EPHA3: variants seen among roughly 807,000 people sequenced by gnomAD.
EPHA3 encodes the protein ephrin type-A receptor 3.
In EPHA3, 42 loss-of-function variants were observed where a neutral mutation model predicts 107.1. That is an observed-to-expected ratio of 0.39 (90% CI 0.31 to 0.51). The LOEUF (loss-of-function observed/expected upper bound fraction) is 0.51. Among genes scored for constraint, EPHA3 ranks in the 20% least tolerant of loss-of-function variants. The pLI, the probability that EPHA3 is intolerant of heterozygous loss-of-function variation, is 0.78. For synonymous variants in EPHA3, 461 were observed against 424.8 expected (o/e 1.09, Z -1.05); for missense variants, 1,183 against 1,211.2 (o/e 0.98, Z 0.35).
chr3:89,224,939 A>T (rs1221811083), intron 3 of EPHA3, among the ~76,000 whole-genome samples: 2 of 152,020 alleles, frequency 1.3e-5, no homozygotes, highest in Admixed American at 1.3e-4. Context: ...AAAAATATAG[A>T]CGGGAAAGGT....
At chr3:89,310,391 G>C (rs756154338) in intron 3 of EPHA3, among the ~76,000 whole-genome samples, 6 of 151,964 alleles carry the variant, frequency 3.9e-5, no homozygotes, top group Admixed American at 3.9e-4. Context: ...TTTTTTTAAA[G>C]TTAGTATTGA....
chr3:89,371,359 A>T (rs1470102773), intron 5 of EPHA3, among the ~76,000 whole-genome samples: 1 of 151,694 alleles, frequency 6.6e-6, no homozygotes, highest in Non-Finnish European at 1.5e-5. Context: ...TCATTTAATG[A>T]ACATGCCCTT....
intron 5 of EPHA3, among the ~76,000 whole-genome samples, chr3:89,363,361 T>C (rs908543845): frequency 1.3e-5 from 2 of 150,870 alleles, no homozygotes; most frequent in East Asian, 2.0e-4. Flanking sequence ...ATCCACAGAC[T>C]GCAGGGTAAG....
chr3:89,347,895 C>G (rs962935280), intron 5 of EPHA3, among the ~76,000 whole-genome samples: 3 of 151,260 alleles, frequency 2.0e-5, no homozygotes, highest in Admixed American at 6.6e-5. Flanking sequence ...GTCTTTGGCT[C>G]TATTTATATG....
At position 89,347,965 on chromosome 3, in the gene EPHA3, C is replaced by T. The variant is rs1179860798; in HGVS notation, c.1306+5875C>T. 2.1e-4 allele frequency among the ~76,000 whole-genome samples: 31 copies of T among 150,942 alleles called. 1 individual carries two copies. The highest frequency in any genetic ancestry group is 3.4e-3 in the Middle Eastern group (1 of 292). Reference sequence around the variant, plus strand: ...CAGCCTTGCATCCCAGGGATGAAGCCCACTTGATCATGGTGGATAAGCTTT... The same window carrying T: ...CAGCCTTGCATCCCAGGGATGAAGCTCACTTGATCATGGTGGATAAGCTTT... On this transcript the variant is annotated intron_variant, in intron 5 of 16. Coordinates refer to ENST00000336596, the MANE Select transcript of EPHA3 (RefSeq NM_005233.6).
At chr3:89,282,233 T>G (rs1450163847) in intron 3 of EPHA3, among the ~76,000 whole-genome samples, 1 of 152,170 alleles carries the variant, frequency 6.6e-6, no homozygotes, top group African/African-American at 2.4e-5. Context: ...AGAGTTATGA[T>G]GAATGCTATA....
intron 3 of EPHA3, among the ~76,000 whole-genome samples, chr3:89,333,677 A>T (rs1707337314): frequency 6.6e-6 from 1 of 152,122 alleles, no homozygotes; most frequent in Non-Finnish European, 1.5e-5. Flanking sequence ...GTTCGAGACC[A>T]GCCTGACCAG....
In EPHA3 at chr3:89,341,177, G is replaced by T. The variant is rs1422774209; in HGVS notation, c.970+106G>T. 5.8e-6 allele frequency: 7 copies of T among 1,217,316 alleles called. No individual in the cohort carries two copies. The African/African-American group carries it at 9.3e-5, about 16-fold the overall frequency. The allele number at this position is 1,217,316 out of a possible 1,614,324, so 75.4% of individuals were successfully genotyped here. A position where few individuals can be genotyped will look rare whatever the true frequency, so the allele number is the denominator to read the frequency against. ...AGCATTTGGCCCATTTCCTTCTGTT[G>T]CCCGTGTGCAAATTGAAAGCTTTCT... is the stretch of plus-strand genomic sequence containing the variant. On this transcript the variant is annotated intron_variant, in intron 4 of 16. Transcript: ENST00000336596.
chr3:89,388,655 A>G (rs1295421193), intron 5 of EPHA3, among the ~76,000 whole-genome samples: 1 of 152,172 alleles, frequency 6.6e-6, no homozygotes, highest in East Asian at 1.9e-4. Context: ...GCTGGTATGT[A>G]TGTTGCAGTC....
chr3:89,250,483 T>G (rs1705135943), intron 3 of EPHA3, among the ~76,000 whole-genome samples: 2 of 152,226 alleles, frequency 1.3e-5, no homozygotes, highest in African/African-American at 4.8e-5. Context: ...TCTTCCTAAT[T>G]TGTTGTTCTA....
rs1019504750 is a variant in EPHA3, at chr3:89,314,190, G to T, written c.815-26726G>T. On this transcript the variant is annotated intron_variant, in intron 3 of 16. Coordinates refer to ENST00000336596, the MANE Select transcript of EPHA3 (RefSeq NM_005233.6). ...ATCATATAGTCAAATTTCAAATTTT[G>T]TCAAATTTAGTTGCTATCTTCACCA... Among the ~76,000 whole-genome samples the T allele has an allele frequency of 2.0e-5, 3 of 151,818 alleles. No homozygotes were observed. In the Admixed American group the frequency reaches 2.0e-4, roughly 10 times the overall value.
chr3:89,164,155 C>T (rs1207795833), intron 2 of EPHA3, among the ~76,000 whole-genome samples: 7 of 152,264 alleles, frequency 4.6e-5, no homozygotes, highest in Middle Eastern at 3.4e-3. Flanking sequence ...TACCAGGTAG[C>T]CTAGACAAGG....
chr3:89,302,564 G>A (rs1389576094), intron 3 of EPHA3, among the ~76,000 whole-genome samples: 12 of 152,078 alleles, frequency 7.9e-5, no homozygotes, highest in African/African-American at 2.7e-4. Flanking sequence ...GAAAGATATT[G>A]TATGTGAATG....
At chr3:89,459,034 G>GA (rs1710160718) in intron 15 of EPHA3, among the ~76,000 whole-genome samples, 2 of 152,110 alleles carry the variant, frequency 1.3e-5, no homozygotes, top group African/African-American at 4.8e-5. Context: ...ATTGGAGGGT[G>GA]AAGGGAAAGG....
chr3:89,213,029 C>T (rs1704143211), intron 3 of EPHA3, among the ~76,000 whole-genome samples: 1 of 151,992 alleles, frequency 6.6e-6, no homozygotes, highest in Non-Finnish European at 1.5e-5. Context: ...ACTCTTAAAA[C>T]AGCTGCCAAA....
intron 16 of EPHA3, among the ~76,000 whole-genome samples, chr3:89,478,980 G>A (rs1267029961): frequency 6.6e-6 from 1 of 152,090 alleles, no homozygotes; most frequent in Non-Finnish European, 1.5e-5. Context: ...GTATTCTCTG[G>A]ATTGTGGCAA....
intron 5 of EPHA3, among the ~76,000 whole-genome samples, chr3:89,356,787 T>C (rs1707967724): frequency 6.6e-6 from 1 of 150,824 alleles, no homozygotes; most frequent in African/African-American, 2.4e-5. Flanking sequence ...TATCTCTTAG[T>C]TGGGCTAGAA....
At chr3:89,125,372 A>G (rs553112721) in intron 1 of EPHA3, among the ~76,000 whole-genome samples, 2 of 151,952 alleles carry the variant, frequency 1.3e-5, no homozygotes, top group South Asian at 4.1e-4. Flanking sequence ...AATAAATGTT[A>G]GTAATATCCT....
intron 2 of EPHA3, among the ~76,000 whole-genome samples, chr3:89,208,633 T>C (rs1706187110): frequency 1.3e-5 from 2 of 151,156 alleles, no homozygotes; most frequent in Admixed American, 6.6e-5. Context: ...AAGGGAAGAT[T>C]CCACAAGTTC....
Sources: allele counts gnomAD v4.1 joint callset (sites outside exome capture counted in the v4.1 genomes callset), GRCh38; gene constraint gnomAD v4.1.1; transcripts MANE v1.5; gene names NCBI Gene and HGNC (gene_info 2026-07-23, HGNC 2026-07-21).